The following PSTPIP2 variants were observed in gnomAD, a reference collection of about 807,000 sequenced individuals.
PSTPIP2 encodes proline-serine-threonine phosphatase interacting protein 2, also known as proline-serine-threonine phosphatase-interacting protein 2.
Under a neutral mutation model 63.3 loss-of-function variants are expected in PSTPIP2, and 33 were observed. The observed-to-expected ratio is 0.52, with a 90% CI of 0.40 to 0.70. The LOEUF is 0.70. Among genes scored for constraint, PSTPIP2 ranks in the 30% least tolerant of loss-of-function variants. The pLI is 0.00. For missense variants in PSTPIP2, 312 were observed against 400.7 expected (o/e 0.78, Z 1.89); for synonymous variants, 125 against 132.7 (o/e 0.94, Z 0.40).
chr18:46,069,843 AT>A (rs879457156), intron 1 of PSTPIP2, among the ~76,000 whole-genome samples: 1 of 151,836 alleles, frequency 6.6e-6, no homozygotes, highest in Admixed American at 6.6e-5. Context: ...TCCTCCATCA[AT>A]AGAGGCATGC....
chr18:46,029,130 G>A, intron 2 of PSTPIP2: 1 of 842,394 alleles, frequency 1.2e-6, no homozygotes, highest in South Asian at 1.3e-5. Flanking sequence ...TAATGGGGAA[G>A]AAGTTTTAGC....
In PSTPIP2 at chr18:46,072,205, G is replaced by A. The variant is rs768718171; in HGVS notation, c.-17C>T. The A allele has an allele frequency of 2.0e-6, 3 of 1,534,370 alleles. No homozygotes were observed. The highest frequency in any genetic ancestry group is 2.8e-5 in the African/African-American group (2 of 70,878). ...GCGCGTCATCGCAGCGCGAGTGGGG[G>A]CGCGGAGGAGAGCCGGGCCGCAGGT... On this transcript the variant is annotated 5_prime_UTR_variant, in exon 1 of 15. Transcript: ENST00000409746.
At chr18:46,029,025 C>A in intron 2 of PSTPIP2, 1 of 814,222 alleles carries the variant, frequency 1.2e-6, no homozygotes, top group Non-Finnish European at 2.2e-6. Context: ...GATTAGATAA[C>A]CTATATCACT....
intron 1 of PSTPIP2, chr18:46,040,920 C>T: frequency 2.3e-6 from 1 of 432,904 alleles, no homozygotes; most frequent in Non-Finnish European, 4.7e-6. Context: ...AGCTGGGCGC[C>T]CACTCCAGCC....
At chr18:46,008,636 C>A (rs1251284378) in intron 5 of PSTPIP2, among the ~76,000 whole-genome samples, 1 of 152,132 alleles carries the variant, frequency 6.6e-6, no homozygotes, top group Admixed American at 6.6e-5. Context: ...CTGGAAGCAT[C>A]GCCTCTGTAA....
chr18:46,071,808 G>A (rs1334376711), intron 1 of PSTPIP2, among the ~76,000 whole-genome samples: 2 of 152,234 alleles, frequency 1.3e-5, no homozygotes, highest in Non-Finnish European at 2.9e-5. Flanking sequence ...AGGAGGGGTT[G>A]ATGTCCTGAC....
chr18:46,027,250 G>A (rs965398088), intron 2 of PSTPIP2, among the ~76,000 whole-genome samples: 2 of 151,416 alleles, frequency 1.3e-5, no homozygotes, highest in East Asian at 3.9e-4. Flanking sequence ...AGCTGAGATC[G>A]CACTATTGCA....
intron 5 of PSTPIP2, among the ~76,000 whole-genome samples, chr18:46,005,903 T>C (rs2051719873): frequency 6.6e-6 from 1 of 152,198 alleles, no homozygotes; most frequent in Non-Finnish European, 1.5e-5. Context: ...ATTCTATAAG[T>C]ATACATCAGC....
chr18:46,062,012 T>C (rs1003036542), intron 1 of PSTPIP2, among the ~76,000 whole-genome samples: 5 of 152,178 alleles, frequency 3.3e-5, no homozygotes, highest in Admixed American at 6.5e-5. Context: ...CCAAGCACTA[T>C]AGGGCAAGTG....
chr18:46,007,460 C>T (rs2051740009), intron 5 of PSTPIP2, among the ~76,000 whole-genome samples: 1 of 152,250 alleles, frequency 6.6e-6, no homozygotes, highest in East Asian at 1.9e-4. Flanking sequence ...ACGGCAGATC[C>T]CTGCCACTGC....
At chr18:46,057,230 G>A (rs188871982) in intron 1 of PSTPIP2, among the ~76,000 whole-genome samples, 45 of 152,218 alleles carry the variant, frequency 3.0e-4, no homozygotes, top group African/African-American at 9.6e-4. Context: ...CCCTCCACAG[G>A]GGCCTCCCTC....
intron 3 of PSTPIP2, among the ~76,000 whole-genome samples, chr18:46,023,483 C>T (rs887222340): frequency 1.3e-5 from 2 of 151,958 alleles, no homozygotes; most frequent in Admixed American, 6.6e-5. Flanking sequence ...TGCTGGAACC[C>T]GGGAGGCAGA....
At chr18:46,037,374 C>T (rs1323679630) in intron 2 of PSTPIP2, among the ~76,000 whole-genome samples, 1 of 152,076 alleles carries the variant, frequency 6.6e-6, no homozygotes, top group Non-Finnish European at 1.5e-5. Context: ...CTCAAACTCT[C>T]GACCTCAGGT....
chr18:46,050,254 G>A (rs1289035092), intron 1 of PSTPIP2, among the ~76,000 whole-genome samples: 1 of 152,142 alleles, frequency 6.6e-6, no homozygotes, highest in Admixed American at 6.5e-5. Context: ...TGTACACAAG[G>A]ATGTTCAGTG....
chr18:46,034,936 T>G (rs956463601), intron 2 of PSTPIP2, among the ~76,000 whole-genome samples: 1 of 152,188 alleles, frequency 6.6e-6, no homozygotes, highest in Non-Finnish European at 1.5e-5. Context: ...CTCTAAGGTA[T>G]GATTAACCCT....
At chr18:45,998,740 A>G (rs2051631581) in intron 8 of PSTPIP2, 54 bp downstream of exon 8, 3 of 1,563,080 alleles carry the variant, frequency 1.9e-6, no homozygotes, top group Non-Finnish European at 2.6e-6. Context: ...CACATTTAGG[A>G]TAACGTAAAC....
intron 2 of PSTPIP2, among the ~76,000 whole-genome samples, chr18:46,036,614 G>A (rs570438745): frequency 1.1e-4 from 16 of 152,318 alleles, no homozygotes; most frequent in South Asian, 4.1e-4. Context: ...CACACGGAGC[G>A]GCTCCTTGCA....
chr18:45,997,436 C>T (rs1222831097), intron 9 of PSTPIP2, among the ~76,000 whole-genome samples: 2 of 152,140 alleles, frequency 1.3e-5, no homozygotes, highest in Admixed American at 1.3e-4. Flanking sequence ...GATCCACCCA[C>T]CTCGGCCTCC....
At chr18:46,003,803 G>A (rs937460107) in intron 6 of PSTPIP2, among the ~76,000 whole-genome samples, 2 of 149,114 alleles carry the variant, frequency 1.3e-5, no homozygotes, top group African/African-American at 4.9e-5. Flanking sequence ...TGCCCAGGCT[G>A]GAGTATGCAA....
Sources: gnomAD v4.1 joint callset for allele counts (sites outside exome capture counted in the v4.1 genomes callset) on GRCh38, gnomAD v4.1.1 for gene constraint, MANE v1.5 for transcripts, NCBI Gene and HGNC (gene_info 2026-07-23, HGNC 2026-07-21) for gene names.